MON2: variants seen among roughly 807,000 people sequenced by gnomAD.
MON2 encodes the protein MON2 regulator of endosome-to-Golgi trafficking, also known as protein MON2 homolog.
Under a neutral mutation model 208.6 loss-of-function variants are expected in MON2, and 84 were observed. The ratio of observed to expected loss-of-function variants is 0.40; its 90% confidence interval spans 0.34 to 0.48. MON2 has a LOEUF of 0.48. Among genes scored for constraint, MON2 ranks in the 20% least tolerant of loss-of-function variants. The pLI is 0.59. For missense variants in MON2, 1,611 were observed against 2,015.4 expected, an observed-to-expected ratio of 0.80 and a Z score of 3.84; for synonymous variants, 660 against 694.0, an observed-to-expected ratio of 0.95 and a Z score of 0.77.
intron 29 of MON2, among the ~76,000 whole-genome samples, chr12:62,568,812 A>G (rs1483621246): frequency 6.6e-6 from 1 of 151,754 alleles, no homozygotes; most frequent in Non-Finnish European, 1.5e-5. Flanking sequence ...ACCACCACGC[A>G]TGGCTAATTT....
chr12:62,585,708 C>A, intron 33 of MON2: 1 of 430,944 alleles, frequency 2.3e-6, no homozygotes, highest in Non-Finnish European at 4.2e-6. Flanking sequence ...TTTTTTAGAT[C>A]CCTCATGGAG....
At chr12:62,553,505 A>C (rs2073837702) in intron 24 of MON2, 1 of 194,252 alleles carries the variant, frequency 5.1e-6, no homozygotes, top group Admixed American at 5.6e-5. Flanking sequence ...TCAATCCCTT[A>C]CCATAGAGTA....
intron 5 of MON2, among the ~76,000 whole-genome samples, chr12:62,499,783 G>A (rs1418960815): frequency 1.3e-5 from 2 of 151,824 alleles, no homozygotes; most frequent in Non-Finnish European, 2.9e-5. Flanking sequence ...TGAGGCAGGA[G>A]AATCACTTGA....
chr12:62,484,188 A>T lies in MON2; in HGVS notation c.130A>T (p.Ile44Leu). 1 of 1,600,622 alleles carries T rather than the reference A, an allele frequency of 6.2e-7. No individual in the cohort carries two copies. The highest frequency in any genetic ancestry group is 8.5e-7 in the Non-Finnish European group (1 of 1,174,312). The change falls in exon 2 of 35, where the codon ATA becomes TTA. Residue 44 changes from isoleucine (I) to leucine (L), a missense_variant. Ile to Leu is a conservative substitution (Grantham distance 5). Transcript: ENST00000393630. ...CTTGCAGGCTGCTGAATCAGGAATA[A>T]TAAAAGTTAAAACAATTGCTGCACG... ...PVKEAAESGI[I>L]KVKTIAARNT...
chr12:62,511,505 A>G (rs1297797935), intron 8 of MON2, among the ~76,000 whole-genome samples: 2 of 152,228 alleles, frequency 1.3e-5, no homozygotes, highest in Middle Eastern at 3.2e-3. Context: ...AAGACCAGTC[A>G]GTGGAGAAAG....
intron 6 of MON2, 120 bp from the exon 7 acceptor site, chr12:62,501,453 C>A: frequency 3.4e-6 from 4 of 1,189,276 alleles, no homozygotes; most frequent in Non-Finnish European, 4.7e-6. Flanking sequence ...TGCTTAGTTT[C>A]TAAGGAGCAA....
At chr12:62,545,534 A>G (rs973825136) in intron 21 of MON2, 1 of 152,170 alleles carries the variant, frequency 6.6e-6, no homozygotes, top group Non-Finnish European at 1.5e-5. Flanking sequence ...TTATTGTTTC[A>G]TGACTGAGTA....
chr12:62,591,181 G>GCAAAATTCTTTTT (rs1342187913), intron 34 of MON2, among the ~76,000 whole-genome samples: 1 of 152,166 alleles, frequency 6.6e-6, no homozygotes, highest in Non-Finnish European at 1.5e-5. Context: ...TTCTTAGACA[G>GCAAAATTCTTTTT]TGGCTTTTTG....
At chr12:62,545,088 T>G (rs2073424318) in intron 21 of MON2, 80 bp downstream of exon 21, 1 of 853,602 alleles carries the variant, frequency 1.2e-6, no homozygotes, top group Non-Finnish European at 1.8e-6. Flanking sequence ...TCTTATCAGG[T>G]AGATCATATT....
chr12:62,483,715 TCAA>T (rs1311505940), intron 1 of MON2, among the ~76,000 whole-genome samples: 2 of 152,078 alleles, frequency 1.3e-5, no homozygotes, highest in African/African-American at 4.8e-5. Flanking sequence ...AAAAACTCCA[TCAA>T]CAATAAATAA....
chr12:62,508,292 G>C lies in MON2; in HGVS notation c.796G>C (p.Glu266Gln). The C allele has an allele frequency of 1.2e-6, 2 of 1,609,536 alleles. No individual in the cohort carries two copies. Among genetic ancestry groups the C allele is most frequent in the Non-Finnish European group, 1.7e-6 (2 of 1,177,844 alleles). Residue 266 changes from glutamate to glutamine, a missense_variant, in exon 8 of 35, where the codon GAA becomes CAA. Physicochemically the swap from Glu to Gln is conservative, Grantham distance 29. Transcript: ENST00000393630. ...CTTTTTTCCTTGCAAATAGCACCAA[G>C]AATTTAGTTTCCTCCTCAAAGAAAG... ...DFPQVFLQHQ[E>Q]FSFLLKERVC...
chr12:62,467,201 G>C lies in MON2; in HGVS notation c.-7G>C. The C allele has an allele frequency of 6.2e-7, 1 of 1,610,920 alleles. No homozygotes were observed. The highest frequency in any genetic ancestry group is 8.5e-7 in the Non-Finnish European group (1 of 1,179,648). ...CTCTCGGAAATTGGCTGGGACCTTG[G>C]AGGATCATGTCCGGCACCAGCAGCC... On this transcript the variant is annotated 5_prime_UTR_variant, in exon 1 of 35. Coordinates refer to ENST00000393630, the MANE Select transcript of MON2 (RefSeq NM_015026.3).
At chr12:62,522,511 A>G (rs1180798949) in intron 8 of MON2, among the ~76,000 whole-genome samples, 1 of 152,224 alleles carries the variant, frequency 6.6e-6, no homozygotes, top group African/African-American at 2.4e-5. Flanking sequence ...ACTTTGATTC[A>G]TCTTAAGCCA....
At chr12:62,563,583 C>T (rs1192126240) in intron 26 of MON2, among the ~76,000 whole-genome samples, 1 of 152,052 alleles carries the variant, frequency 6.6e-6, no homozygotes, top group African/African-American at 2.4e-5. Context: ...GATATTCAGA[C>T]TTCAGAATAC....
chr12:62,540,622 A>G (rs1308234833), intron 19 of MON2, among the ~76,000 whole-genome samples: 5 of 152,198 alleles, frequency 3.3e-5, no homozygotes, highest in Non-Finnish European at 5.9e-5. Flanking sequence ...ACGATTTTTA[A>G]GGAAGGCTTG....
At position 62,589,638 on chromosome 12, in the gene MON2, A is replaced by G. The variant is rs376741063; in HGVS notation, c.4990+1482A>G. ...TTCAAAAAGTGTCCTGGGCTGGCAC[A>G]GTGGCTCACACCTGTAATCCCAACA... On this transcript the variant is annotated intron_variant, in intron 34 of 34. Transcript: ENST00000393630. Among the ~76,000 whole-genome samples, 23 of 151,876 alleles carry G rather than the reference A, an allele frequency of 1.5e-4. 1 individual carries two copies. The East Asian group carries it at 4.1e-3, about 27-fold the overall frequency.
chr12:62,471,024 G>A (rs1329514510), intron 1 of MON2, among the ~76,000 whole-genome samples: 1 of 152,162 alleles, frequency 6.6e-6, no homozygotes, highest in Non-Finnish European at 1.5e-5. Flanking sequence ...TAGTGAAAGA[G>A]CGTATAGATT....
At chr12:62,504,370 G>A (rs746673701) in intron 7 of MON2, among the ~76,000 whole-genome samples, 4 of 150,366 alleles carry the variant, frequency 2.7e-5, no homozygotes, top group Non-Finnish European at 5.9e-5. Context: ...TCAGCCTCCC[G>A]AGTAGTTGGG....
At chr12:62,477,147 C>A (rs1300246276) in intron 1 of MON2, among the ~76,000 whole-genome samples, 2 of 151,940 alleles carry the variant, frequency 1.3e-5, no homozygotes, top group African/African-American at 4.8e-5. Context: ...TTTTTCCTTT[C>A]AAAGGATGTC....
Sources: allele counts gnomAD v4.1 joint callset (sites outside exome capture counted in the v4.1 genomes callset), GRCh38; gene constraint gnomAD v4.1.1; transcripts MANE v1.5; gene names NCBI Gene and HGNC (gene_info 2026-07-23, HGNC 2026-07-21).